Variants in GRIK5 observed in about 807,000 individuals in gnomAD.
The protein encoded by GRIK5 is glutamate ionotropic receptor kainate type subunit 5, also known as glutamate receptor ionotropic, kainate 5.
GRIK5 carries 43 observed loss-of-function variants against 97.4 expected under a neutral mutation model. The ratio of observed to expected loss-of-function variants is 0.44; its 90% CI spans 0.35 to 0.57. GRIK5 has a LOEUF of 0.57. Ranked by LOEUF, GRIK5 falls within the 20% of genes least tolerant of loss-of-function variation. The probability of loss-of-function intolerance (pLI) is 0.01; values close to 1 mark genes in which losing one functional copy is unlikely to be tolerated. For missense variants in GRIK5, 1,015 were observed against 1,382.0 expected (o/e 0.73, Z 4.21); for synonymous variants, 580 against 583.5 (o/e 0.99, Z 0.09).
At chr19:42,024,449 G>A (rs1004221159) in intron 12 of GRIK5, among the ~76,000 whole-genome samples, 1 of 152,080 alleles carries the variant, frequency 6.6e-6, no homozygotes, top group Admixed American at 6.5e-5. Context: ...CTGACCTCAG[G>A]TGACCTGCCC....
At chr19:42,068,861 C>A (rs1436936711) in intron 1 of GRIK5, 1 of 683,264 alleles carries the variant, frequency 1.5e-6, no homozygotes, top group East Asian at 2.8e-5. Context: ...CCAAGGCCCA[C>A]CGCAGGCAGA....
chr19:42,031,926 G>A (rs539276704), intron 12 of GRIK5, among the ~76,000 whole-genome samples: 1 of 152,172 alleles, frequency 6.6e-6, no homozygotes, highest in Admixed American at 6.5e-5. Context: ...TGAGCCCAGG[G>A]ACTCAAGACC....
chr19:42,013,187 C>CAA (rs59687748), intron 15 of GRIK5, among the ~76,000 whole-genome samples: 1 of 127,410 alleles, frequency 7.8e-6, no homozygotes, highest in Admixed American at 8.1e-5. Flanking sequence ...GAACTCTCTA[C>CAA]AAAAAAAAAA....
At position 42,054,981 on chromosome 19, in the gene GRIK5, T is replaced by C. The variant is rs138194124; in HGVS notation, c.904-509A>G. ...TGGCTCAGAGCTAGAGGCCTGGCTC[T>C]GCTATTTTCTCATTCTTTGATAGGG... is the stretch of plus-strand genomic sequence containing the variant. On this transcript the variant is annotated intron_variant, in intron 8 of 19. Transcript: ENST00000593562. Among the ~76,000 whole-genome samples the C allele has an allele frequency of 1.4e-4, 21 of 152,320 alleles. No homozygotes were observed. The East Asian group carries it at 3.9e-3, about 28-fold the overall frequency.
intron 12 of GRIK5, among the ~76,000 whole-genome samples, chr19:42,038,839 G>A (rs969349217): frequency 2.0e-5 from 3 of 152,170 alleles, no homozygotes; most frequent in Non-Finnish European, 2.9e-5. Context: ...GACTATTCCT[G>A]TGCAGCTCGG....
chr19:42,018,302 C>T (rs1056708075), intron 15 of GRIK5, among the ~76,000 whole-genome samples: 2 of 145,788 alleles, frequency 1.4e-5, no homozygotes, highest in African/African-American at 2.7e-5. Context: ...CCACGCTGGG[C>T]GACAGAGCGA....
chr19:42,040,201 C>A, intron 12 of GRIK5, among the ~76,000 whole-genome samples: 1 of 152,176 alleles, frequency 6.6e-6, no homozygotes, highest in East Asian at 1.9e-4. Flanking sequence ...AACAGCCAAC[C>A]ACAGACACTC....
At chr19:42,060,700 C>T (rs937246098) in intron 5 of GRIK5, among the ~76,000 whole-genome samples, 2 of 152,120 alleles carry the variant, frequency 1.3e-5, no homozygotes, top group South Asian at 2.1e-4. Context: ...TATTGTCCTG[C>T]GGCCTTCACG....
chr19:42,046,883 C>G (rs1162949836), intron 11 of GRIK5, among the ~76,000 whole-genome samples: 1 of 151,874 alleles, frequency 6.6e-6, no homozygotes, highest in Non-Finnish European at 1.5e-5. Flanking sequence ...CTGTCCCTTC[C>G]CCAATTTTAT....
intron 11 of GRIK5, among the ~76,000 whole-genome samples, chr19:42,050,431 G>A (rs903784520): frequency 2.6e-5 from 4 of 151,790 alleles, no homozygotes; most frequent in South Asian, 2.1e-4. Context: ...AGGCCGAGAC[G>A]GGCAGATCAC....
chr19:42,052,601 A>G (rs1335310118), intron 11 of GRIK5, among the ~76,000 whole-genome samples: 1 of 152,210 alleles, frequency 6.6e-6, no homozygotes, highest in East Asian at 1.9e-4. Flanking sequence ...GAATGTCAGC[A>G]TCCACAGCGA....
intron 3 of GRIK5, among the ~76,000 whole-genome samples, chr19:42,064,871 C>G (rs1439102530): frequency 6.6e-6 from 1 of 152,240 alleles, no homozygotes; most frequent in Non-Finnish European, 1.5e-5. Flanking sequence ...GACTAGCCTT[C>G]TCCAGAATGC....
In GRIK5 at chr19:42,022,443, A is replaced by G. The variant is rs1167047188; in HGVS notation, c.1474-89T>C. ...AGAGAGAAATGCACGGAGAGTGAGC[A>G]ACTGAGGGAGGCGAGAGAGAGAGAG... is the stretch of plus-strand genomic sequence containing the variant. On this transcript the variant is annotated intron_variant, in intron 12 of 19. Coordinates refer to ENST00000593562, the MANE Select transcript of GRIK5 (RefSeq NM_002088.5). This position sits in a 1 kb window ranked among gnomAD's most constrained non-coding sequence, Gnocchi z 4.2. 45 of 1,496,026 alleles carry G rather than the reference A, an allele frequency of 3.0e-5. No individual in the cohort carries two copies. The highest frequency in any genetic ancestry group is 4.0e-5 in the Non-Finnish European group (44 of 1,107,454). The allele number at this position is 1,496,026 out of a possible 1,614,324, so 92.7% of individuals were successfully genotyped here.
intron 15 of GRIK5, among the ~76,000 whole-genome samples, chr19:42,009,470 T>TAAA (rs77770415): frequency 3.4e-4 from 45 of 131,662 alleles, no homozygotes; most frequent in African/African-American, 1.2e-3. Context: ...ACCTTATCTT[T>TAAA]AAAAAAAAAA....
rs1555870218 is a variant in GRIK5 at position 41,999,096 on chromosome 19, C to T, written c.2718G>A (p.Pro906=). 1 of 1,344,340 alleles carries T rather than the reference C, an allele frequency of 7.4e-7. No individual in the cohort carries two copies. The highest frequency in any genetic ancestry group is 9.5e-7 in the Non-Finnish European group (1 of 1,053,686). 83.3% of individuals were successfully genotyped at this position (1,344,340 alleles called of 1,614,324 possible). Residue 906 remains proline, a synonymous_variant, in exon 20 of 20, where the codon CCG becomes CCA. Coordinates refer to ENST00000593562, the MANE Select transcript of GRIK5 (RefSeq NM_002088.5). This position sits in a 1 kb window ranked among gnomAD's most constrained non-coding sequence, Gnocchi z 5.0. ...GCCCCGGGTCGTCCAGGAGGCGCTG[C>T]GGGCCCCCGTGCGCGCTGCCCGCAT... ...GGDAGSAHGG[P]QRLLDDPGPP... is the part of the protein sequence containing the mutation.
At chr19:42,052,038 A>C (rs1455544733) in intron 11 of GRIK5, among the ~76,000 whole-genome samples, 5 of 152,262 alleles carry the variant, frequency 3.3e-5, no homozygotes, top group Non-Finnish European at 5.9e-5. Context: ...TCCCAGTGCC[A>C]CCTGAGAGCA....
In GRIK5 at chr19:42,042,752, T is replaced by A; in HGVS notation, c.1273A>T (p.Asn425Tyr). Residue 425 changes from asparagine (N) to tyrosine (Y), a missense_variant, in exon 12 of 20, where the codon AAC becomes TAC. By Grantham distance (143) the Asn-to-Tyr change is moderately radical. Transcript: ENST00000593562. The surrounding 1 kb of genome is among the most constrained non-coding windows in gnomAD (Gnocchi z 6.9). ...TTGGGCCGGCGCATGACGTATGGGTTCTCCTGGGTGGGCAGAAGAAAGCAG... is the reference window on the plus strand; with the variant it reads ...TTGGGCCGGCGCATGACGTATGGGTACTCCTGGGTGGGCAGAAGAAAGCAG... Reference protein sequence around the residue: ...KTLVVTTILENPYVMRRPNFQ... With the variant: ...KTLVVTTILEYPYVMRRPNFQ... 3 of 1,611,892 alleles carry A rather than the reference T, an allele frequency of 1.9e-6. No homozygotes were observed. The highest frequency in any genetic ancestry group is 2.5e-6 in the Non-Finnish European group (3 of 1,178,780).
intron 12 of GRIK5, among the ~76,000 whole-genome samples, chr19:42,037,417 C>T (rs915182491): frequency 5.3e-5 from 8 of 152,212 alleles, no homozygotes; most frequent in Non-Finnish European, 8.8e-5. Context: ...CGAGATCACG[C>T]CACTGCACTC....
intron 3 of GRIK5, among the ~76,000 whole-genome samples, chr19:42,064,944 G>A (rs1568933524): frequency 6.6e-6 from 1 of 152,198 alleles, no homozygotes; most frequent in East Asian, 1.9e-4. Context: ...TAAGCTCTGG[G>A]GGCTAACAAG....
Sources: gnomAD v4.1 joint callset for allele counts (sites outside exome capture counted in the v4.1 genomes callset) on GRCh38, gnomAD v4.1.1 for gene constraint, Gnocchi (gnomAD v3.1) non-coding constraint, MANE v1.5 for transcripts, NCBI Gene and HGNC (gene_info 2026-07-23, HGNC 2026-07-21) for gene names.